MND1: variants seen among roughly 807,000 people sequenced by gnomAD.
The protein encoded by MND1 is meiotic nuclear division protein 1 homolog.
MND1 carries 28 observed loss-of-function variants against 35.1 expected under a neutral mutation model. The observed-to-expected ratio is 0.80, with a 90% CI of 0.59 to 1.09. MND1 has a LOEUF of 1.09. Among genes scored for constraint, MND1 ranks in the 50% least tolerant of loss-of-function variants. The probability of loss-of-function intolerance (pLI) is 0.00; values close to 1 mark genes in which losing one functional copy is unlikely to be tolerated. For synonymous variants in MND1, 69 were observed against 70.5 expected (o/e 0.98, Z 0.11); for missense variants, 213 against 239.6 (o/e 0.89, Z 0.73).
intron 2 of MND1, among the ~76,000 whole-genome samples, chr4:153,353,971 C>T (rs1695452030): frequency 1.3e-5 from 2 of 152,234 alleles, no homozygotes; most frequent in South Asian, 4.1e-4. Flanking sequence ...CCACCCGCCT[C>T]AGCCTCCCAA....
rs1729762652 is a variant in MND1, at chr4:153,413,951, C to T, written c.512-800C>T. On this transcript the variant is annotated intron_variant, in intron 7 of 7. Coordinates refer to ENST00000240488, the MANE Select transcript of MND1 (RefSeq NM_032117.4). ...AGTTGTTAATGCATTTTAAATCCCC[C>T]CAGGAGATGCTGAGGACATTTCTGT... Among the ~76,000 whole-genome samples the T allele has an allele frequency of 5.3e-5, 8 of 152,082 alleles. No individual in the cohort carries two copies. In the South Asian group the frequency reaches 1.4e-3, roughly 28 times the overall value.
At chr4:153,364,203 C>T (rs1361160544) in intron 4 of MND1, among the ~76,000 whole-genome samples, 1 of 151,930 alleles carries the variant, frequency 6.6e-6, no homozygotes, top group African/African-American at 2.4e-5. Flanking sequence ...GGTGGCTCCT[C>T]AAAGAGTTAT....
chr4:153,344,686 G>A (rs1773024360), upstream of MND1: 4 of 1,535,808 alleles, frequency 2.6e-6, no homozygotes, highest in Non-Finnish European at 3.5e-6. Flanking sequence ...GGCCTGTCCC[G>A]CCCCTCTCCC....
chr4:153,407,889 A>G (rs1729565048), intron 6 of MND1, among the ~76,000 whole-genome samples: 1 of 152,170 alleles, frequency 6.6e-6, no homozygotes, highest in Non-Finnish European at 1.5e-5. Context: ...ATGTGGAGTG[A>G]GTGCTAAGGG....
At chr4:153,358,034 C>G (rs1467403260) in intron 3 of MND1, among the ~76,000 whole-genome samples, 1 of 152,096 alleles carries the variant, frequency 6.6e-6, no homozygotes, top group African/African-American at 2.4e-5. Flanking sequence ...ACTTGCATTT[C>G]TGTAGTTTTG....
intron 1 of MND1, 135 bp downstream of exon 1, chr4:153,344,875 C>A: frequency 6.9e-7 from 1 of 1,444,850 alleles, no homozygotes; most frequent in Non-Finnish European, 9.3e-7. Context: ...CGGCTCTCGG[C>A]CTCACCGTGT....
intron 4 of MND1, among the ~76,000 whole-genome samples, chr4:153,366,205 T>C (rs1773634145): frequency 6.6e-6 from 1 of 152,214 alleles, no homozygotes. Context: ...TAAGGATACA[T>C]GTGATTGCAT....
At chr4:153,372,860 T>C (rs1404075168) in intron 4 of MND1, among the ~76,000 whole-genome samples, 1 of 152,228 alleles carries the variant, frequency 6.6e-6, no homozygotes, top group African/African-American at 2.4e-5. Context: ...GATGAACATA[T>C]AGGTATTAAG....
At chr4:153,390,667 C>G (rs1195419956) in intron 4 of MND1, among the ~76,000 whole-genome samples, 1 of 151,840 alleles carries the variant, frequency 6.6e-6, no homozygotes, top group Non-Finnish European at 1.5e-5. Context: ...GGCAACATGA[C>G]AAAGTTCATC....
At chr4:153,395,486 T>G (rs1417732826) in intron 5 of MND1, among the ~76,000 whole-genome samples, 1 of 152,182 alleles carries the variant, frequency 6.6e-6, no homozygotes, top group Non-Finnish European at 1.5e-5. Flanking sequence ...AAAGATGAAG[T>G]CTTGTGCTCA....
chr4:153,395,470 C>T (rs1163774142), intron 5 of MND1, among the ~76,000 whole-genome samples: 2 of 152,148 alleles, frequency 1.3e-5, no homozygotes, highest in African/African-American at 4.8e-5. Flanking sequence ...CAGAAACGTT[C>T]CTAAGAAAGA....
chr4:153,412,101 G>C (rs1326676395), intron 7 of MND1, among the ~76,000 whole-genome samples: 1 of 152,178 alleles, frequency 6.6e-6, no homozygotes, highest in Non-Finnish European at 1.5e-5. Context: ...TTGTTACAAA[G>C]AGTAAAGATC....
rs371559968 is a variant in MND1 at position 153,411,087 on chromosome 4, G to A, written c.511+2072G>A. Among the ~76,000 whole-genome samples the A allele has an allele frequency of 2.0e-4, 31 of 152,350 alleles. No individual in the cohort carries two copies. In the East Asian group the frequency reaches 2.9e-3, roughly 14 times the overall value. ...TTCTATAGGATGAGATTACCTCAGAGTCTAAGTATAGAAATGCCACATCTA... is the reference window on the plus strand; with the variant it reads ...TTCTATAGGATGAGATTACCTCAGAATCTAAGTATAGAAATGCCACATCTA... On this transcript the variant is annotated intron_variant, in intron 7 of 7. Transcript: ENST00000240488.
intron 4 of MND1, among the ~76,000 whole-genome samples, chr4:153,361,079 TC>T (rs754142580): frequency 6.6e-5 from 10 of 152,194 alleles, no homozygotes; most frequent in Non-Finnish European, 1.3e-4. Context: ...ACTCAAGTGA[TC>T]CACCTACCTC....
chr4:153,379,599 C>T (rs1364758415), intron 4 of MND1, among the ~76,000 whole-genome samples: 1 of 151,720 alleles, frequency 6.6e-6, no homozygotes, highest in East Asian at 1.9e-4. Flanking sequence ...CGCCTGTAAT[C>T]CCGGCACTTT....
At chr4:153,354,650 G>A in intron 2 of MND1, among the ~76,000 whole-genome samples, 1 of 151,980 alleles carries the variant, frequency 6.6e-6, no homozygotes, top group East Asian at 1.9e-4. Flanking sequence ...CTACAGGCAC[G>A]CACTACCACA....
intron 4 of MND1, among the ~76,000 whole-genome samples, chr4:153,361,841 GAA>G (rs58481872): frequency 0.25 from 36,728 of 148,214 alleles, 4,717 homozygotes; most frequent in African/African-American, 0.34. Context: ...CAAAAAAAAA[GAA>G]AAAAAAAAGA....
chr4:153,394,272 G>A lies in MND1; in HGVS notation c.287G>A (p.Gly96Glu), dbSNP rs1305082429. The change falls in exon 5 of 8, where the codon GGA becomes GAA. Residue 96 changes from glycine to glutamate, a missense_variant. Coordinates refer to ENST00000240488, the MANE Select transcript of MND1 (RefSeq NM_032117.4). Reference protein sequence around the residue: ...LEVLESQLSEGSQKHASLQKS... With the variant: ...LEVLESQLSEESQKHASLQKS... The stretch of plus-strand genomic sequence containing the variant: ...TTTTTGATTCTCTAGTTGTCTGAGG[G>A]AAGTCAAAAGCATGCAAGCCTACAG... The A allele has an allele frequency of 6.2e-7, 1 of 1,612,226 alleles. No individual in the cohort carries two copies. The highest frequency in any genetic ancestry group is 2.2e-5 in the East Asian group (1 of 44,812).
At chr4:153,361,595 T>C (rs1198358339) in intron 4 of MND1, 1 of 455,010 alleles carries the variant, frequency 2.2e-6, no homozygotes, top group Admixed American at 2.4e-5. Flanking sequence ...ATCCCAGCAC[T>C]TTGGGAGGCT....
Sources: gnomAD v4.1 joint callset for allele counts (sites outside exome capture counted in the v4.1 genomes callset) on GRCh38, gnomAD v4.1.1 for gene constraint, MANE v1.5 for transcripts, NCBI Gene and HGNC (gene_info 2026-07-23, HGNC 2026-07-21) for gene names.